EEFSEC: variants seen among roughly 807,000 people sequenced by gnomAD.
EEFSEC encodes the protein selenocysteine-specific elongation factor.
EEFSEC carries 43 observed loss-of-function variants against 42.1 expected under a neutral mutation model. The ratio of observed to expected loss-of-function variants is 1.02; its 90% CI spans 0.80 to 1.32. EEFSEC has a LOEUF of 1.32. EEFSEC is among the 40% of genes most tolerant of loss of function. EEFSEC has a pLI of 0.00. For missense variants in EEFSEC, 745 were observed against 803.6 expected (o/e 0.93, Z 0.88); for synonymous variants, 354 against 339.1 (o/e 1.04, Z -0.48).
chr3:128,361,319 G>A (rs1423832336), intron 6 of EEFSEC, among the ~76,000 whole-genome samples: 1 of 152,198 alleles, frequency 6.6e-6, no homozygotes, highest in Non-Finnish European at 1.5e-5. Flanking sequence ...GACCTGGAGA[G>A]CTGCTGTGTG....
chr3:128,367,541 TG>T, intron 6 of EEFSEC: 1 of 719,362 alleles, frequency 1.4e-6, no homozygotes, highest in Non-Finnish European at 1.7e-6. Flanking sequence ...ACCTGCTGTG[TG>T]GACTCCTGTG....
intron 6 of EEFSEC, among the ~76,000 whole-genome samples, chr3:128,392,135 C>G (rs528028141): frequency 1.2e-4 from 18 of 152,330 alleles, no homozygotes; most frequent in African/African-American, 4.1e-4. Context: ...TGCTGGCAGC[C>G]CTCATGCCCA....
At chr3:128,156,832 A>T (rs376041746) in intron 1 of EEFSEC, among the ~76,000 whole-genome samples, 2 of 152,194 alleles carry the variant, frequency 1.3e-5, no homozygotes, top group African/African-American at 4.8e-5. Flanking sequence ...TCCCTGAGAC[A>T]CAACAATATT....
At chr3:128,232,940 G>C (rs1477036985) in intron 1 of EEFSEC, among the ~76,000 whole-genome samples, 1 of 152,206 alleles carries the variant, frequency 6.6e-6, no homozygotes, top group Non-Finnish European at 1.5e-5. Context: ...CTCTTCGTGT[G>C]TCTTCCTGTA....
downstream of EEFSEC, among the ~76,000 whole-genome samples, chr3:128,409,987 G>A (rs955780190): frequency 1.3e-5 from 2 of 152,222 alleles, no homozygotes; most frequent in East Asian, 3.9e-4. Context: ...GTCCCCCAGG[G>A]GAGGGCAGCC....
chr3:128,271,559 A>G (rs529020207), intron 4 of EEFSEC, among the ~76,000 whole-genome samples: 3 of 152,302 alleles, frequency 2.0e-5, no homozygotes, highest in African/African-American at 7.2e-5. Context: ...CTCCCTGGGA[A>G]GGAGAGAAGG....
chr3:128,247,882 C>T (rs1559885611), intron 2 of EEFSEC, among the ~76,000 whole-genome samples: 1 of 152,072 alleles, frequency 6.6e-6, no homozygotes, highest in Admixed American at 6.5e-5. Context: ...TGAGGCAGAG[C>T]ATGGAGGGAG....
chr3:128,159,523 A>G (rs1250557714), intron 1 of EEFSEC, among the ~76,000 whole-genome samples: 1 of 152,204 alleles, frequency 6.6e-6, no homozygotes, highest in African/African-American at 2.4e-5. Context: ...ACACTTGACA[A>G]GACTTTCCAG....
At chr3:128,343,774 G>A (rs1238105909) in intron 5 of EEFSEC, among the ~76,000 whole-genome samples, 2 of 152,192 alleles carry the variant, frequency 1.3e-5, no homozygotes, top group African/African-American at 4.8e-5. Flanking sequence ...CCGAAGGGCT[G>A]AGGGAGGGGC....
chr3:128,227,860 G>A (rs2065923420), intron 1 of EEFSEC, among the ~76,000 whole-genome samples: 1 of 152,244 alleles, frequency 6.6e-6, no homozygotes, highest in Non-Finnish European at 1.5e-5. Context: ...CCAAGTGGAT[G>A]CAGTCCTTGC....
intron 5 of EEFSEC, among the ~76,000 whole-genome samples, chr3:128,351,750 G>A (rs1025877336): frequency 2.0e-5 from 3 of 152,224 alleles, no homozygotes; most frequent in Non-Finnish European, 2.9e-5. Flanking sequence ...CCCACCTGGC[G>A]TGTAAGCAAG....
chr3:128,392,296 A>G (rs555519529), intron 6 of EEFSEC, among the ~76,000 whole-genome samples: 5 of 152,294 alleles, frequency 3.3e-5, no homozygotes, highest in African/African-American at 9.6e-5. Flanking sequence ...CAGGCCCCCT[A>G]TGTCCTGGCT....
At chr3:128,185,826 A>T (rs2065459378) in intron 1 of EEFSEC, among the ~76,000 whole-genome samples, 1 of 152,186 alleles carries the variant, frequency 6.6e-6, no homozygotes, top group South Asian at 2.1e-4. Context: ...ACCACATTTA[A>T]AGAATCCATT....
chr3:128,376,435 T>C (rs1702118), intron 6 of EEFSEC, among the ~76,000 whole-genome samples: 1 of 152,074 alleles, frequency 6.6e-6, no homozygotes, highest in Non-Finnish European at 1.5e-5. Context: ...CAGCTTCGCT[T>C]CCTGAGCCCT....
downstream of EEFSEC, among the ~76,000 whole-genome samples, chr3:128,411,718 A>G (rs542657878): frequency 6.6e-6 from 1 of 152,296 alleles, no homozygotes; most frequent in South Asian, 2.1e-4. Context: ...CTTATCTGGA[A>G]ATGTCCCTGG....
chr3:128,285,820 G>T, intron 4 of EEFSEC, among the ~76,000 whole-genome samples: 1 of 152,102 alleles, frequency 6.6e-6, no homozygotes, highest in South Asian at 2.1e-4. Context: ...CCATGTCTAC[G>T]CTGCATTCTT....
At chr3:128,406,983 A>T (rs920621149) in intron 6 of EEFSEC, among the ~76,000 whole-genome samples, 1 of 152,160 alleles carries the variant, frequency 6.6e-6, no homozygotes, top group Non-Finnish European at 1.5e-5. Flanking sequence ...ATGTTTAAGG[A>T]TGAGTGGGAC....
chr3:128,206,360 A>C (rs1486157083), intron 1 of EEFSEC, among the ~76,000 whole-genome samples: 1 of 152,170 alleles, frequency 6.6e-6, no homozygotes. Context: ...TTAACCTCCC[A>C]AAATTACCCT....
chr3:128,218,899 T>C (rs2065836244), intron 1 of EEFSEC, among the ~76,000 whole-genome samples: 1 of 152,238 alleles, frequency 6.6e-6, no homozygotes, highest in South Asian at 2.1e-4. Flanking sequence ...TTCTCTTTCT[T>C]ATGTCCTCCT....
Sources: allele counts gnomAD v4.1 joint callset (sites outside exome capture counted in the v4.1 genomes callset), GRCh38; gene constraint gnomAD v4.1.1; transcripts MANE v1.5; gene names NCBI Gene and HGNC (gene_info 2026-07-23, HGNC 2026-07-21).